The following KCNQ5 variants were observed in gnomAD, a reference collection of about 807,000 sequenced individuals.
The protein encoded by KCNQ5 is potassium voltage-gated channel subfamily Q member 5, also known as potassium voltage-gated channel subfamily KQT member 5.
A neutral mutation model predicts 98.2 loss-of-function variants in KCNQ5; 30 were observed. The observed-to-expected ratio is 0.31, with a 90% CI of 0.23 to 0.41. The LOEUF (loss-of-function observed/expected upper bound fraction) is 0.41. Ranked by LOEUF, KCNQ5 falls within the 10% of genes least tolerant of loss-of-function variation. The pLI is 1.00. For synonymous variants in KCNQ5, 458 were observed against 449.4 expected (o/e 1.02, Z -0.24); for missense variants, 835 against 1,182.5 (o/e 0.71, Z 4.31).
chr6:72,655,212 C>T (rs994426536), intron 1 of KCNQ5, among the ~76,000 whole-genome samples: 1 of 150,518 alleles, frequency 6.6e-6, no homozygotes. Flanking sequence ...CACAATAAAT[C>T]GTAATGGACA....
intron 5 of KCNQ5, among the ~76,000 whole-genome samples, chr6:73,097,698 G>A (rs1446234533): frequency 6.6e-6 from 1 of 152,114 alleles, no homozygotes; most frequent in Non-Finnish European, 1.5e-5. Context: ...GAGAATGTAA[G>A]GAAGAGAACA....
At chr6:72,946,503 T>C (rs943100147) in intron 1 of KCNQ5, among the ~76,000 whole-genome samples, 1 of 152,136 alleles carries the variant, frequency 6.6e-6, no homozygotes, top group Non-Finnish European at 1.5e-5. Flanking sequence ...ATTTAATACA[T>C]CATAGACTGC....
chr6:73,183,459 A>G (rs907609545), intron 11 of KCNQ5, among the ~76,000 whole-genome samples: 7 of 152,312 alleles, frequency 4.6e-5, no homozygotes, highest in African/African-American at 1.2e-4. Context: ...TGAAGAGAGC[A>G]AGATCTATGT....
intron 1 of KCNQ5, among the ~76,000 whole-genome samples, chr6:72,667,948 A>G (rs978078238): frequency 4.6e-5 from 7 of 152,224 alleles, no homozygotes; most frequent in Non-Finnish European, 1.0e-4. Context: ...GGAGGAGATT[A>G]AGGAGATATG....
intron 1 of KCNQ5, among the ~76,000 whole-genome samples, chr6:72,951,637 C>T (rs1399876872): frequency 2.0e-5 from 3 of 152,040 alleles, no homozygotes; most frequent in African/African-American, 4.8e-5. Flanking sequence ...CCCTAAGATA[C>T]GTAACCTTTC....
chr6:73,132,407 A>G (rs944591446), intron 9 of KCNQ5, among the ~76,000 whole-genome samples: 3 of 152,164 alleles, frequency 2.0e-5, no homozygotes, highest in Non-Finnish European at 4.4e-5. Context: ...AAGAAAAAAA[A>G]ACAGAATGGG....
At chr6:72,810,435 C>T (rs771692712) in intron 1 of KCNQ5, among the ~76,000 whole-genome samples, 14 of 152,188 alleles carry the variant, frequency 9.2e-5, no homozygotes, top group Non-Finnish European at 2.1e-4. Context: ...CTGGGACTAG[C>T]TTTCCTGTGA....
At chr6:72,687,302 A>G (rs957516737) in intron 1 of KCNQ5, among the ~76,000 whole-genome samples, 1 of 152,188 alleles carries the variant, frequency 6.6e-6, no homozygotes, top group Admixed American at 6.5e-5. Flanking sequence ...TCTATTGTAT[A>G]TGTCTTATCT....
At chr6:72,913,277 G>A (rs960363154) in intron 1 of KCNQ5, among the ~76,000 whole-genome samples, 1 of 152,070 alleles carries the variant, frequency 6.6e-6, no homozygotes, top group Non-Finnish European at 1.5e-5. Flanking sequence ...GAACTCTCAA[G>A]TTAGCCCTTG....
chr6:72,839,857 C>T (rs921715453), intron 1 of KCNQ5, among the ~76,000 whole-genome samples: 1 of 152,112 alleles, frequency 6.6e-6, no homozygotes. Flanking sequence ...ACATTATTAG[C>T]TCTAGTCACC....
intron 7 of KCNQ5, among the ~76,000 whole-genome samples, chr6:73,112,556 A>G (rs1775293975): frequency 6.6e-6 from 1 of 152,144 alleles, no homozygotes; most frequent in East Asian, 1.9e-4. Context: ...CGTGTTAGCC[A>G]GGATGGTCTC....
At chr6:73,013,392 C>T (rs1040684922) in intron 2 of KCNQ5, among the ~76,000 whole-genome samples, 1 of 152,080 alleles carries the variant, frequency 6.6e-6, no homozygotes, top group African/African-American at 2.4e-5. Flanking sequence ...GCTTGCTCTG[C>T]CATCACCCTG....
chr6:72,734,234 T>C (rs1305177487), intron 1 of KCNQ5, among the ~76,000 whole-genome samples: 1 of 152,264 alleles, frequency 6.6e-6, no homozygotes, highest in African/African-American at 2.4e-5. Flanking sequence ...AAAAATGTTA[T>C]TTAATTGAAT....
At chr6:73,015,373 A>T (rs964239048) in intron 2 of KCNQ5, among the ~76,000 whole-genome samples, 3 of 152,150 alleles carry the variant, frequency 2.0e-5, no homozygotes, top group Non-Finnish European at 4.4e-5. Flanking sequence ...AAACACCTAC[A>T]CTGAACCTTA....
chr6:73,114,288 C>G (rs1264463883), intron 7 of KCNQ5, among the ~76,000 whole-genome samples: 1 of 152,170 alleles, frequency 6.6e-6, no homozygotes, highest in Non-Finnish European at 1.5e-5. Context: ...GCTGAACACA[C>G]AAACCATCAA....
intron 1 of KCNQ5, among the ~76,000 whole-genome samples, chr6:72,921,660 T>A (rs538919092): frequency 1.1e-3 from 165 of 152,314 alleles, no homozygotes; most frequent in South Asian, 8.5e-3. Context: ...GTTATTGCAA[T>A]AATTGCCTCA....
intron 7 of KCNQ5, among the ~76,000 whole-genome samples, chr6:73,117,875 C>T (rs943210323): frequency 6.6e-6 from 1 of 152,084 alleles, no homozygotes; most frequent in Non-Finnish European, 1.5e-5. Flanking sequence ...CAAGATGATG[C>T]AACAATAGTT....
intron 1 of KCNQ5, among the ~76,000 whole-genome samples, chr6:72,852,768 A>G (rs187560878): frequency 1.3e-5 from 2 of 150,292 alleles, no homozygotes. Flanking sequence ...TTTTAAACAC[A>G]CACGTCAAAC....
intron 1 of KCNQ5, among the ~76,000 whole-genome samples, chr6:72,797,502 C>CAAAA (rs543983897): frequency 1.1e-5 from 1 of 87,390 alleles, no homozygotes. Context: ...AAGACCCTGC[C>CAAAA]AAAAAAAAAA....
Sources: gnomAD v4.1 joint callset for allele counts (sites outside exome capture counted in the v4.1 genomes callset) on GRCh38, gnomAD v4.1.1 for gene constraint, MANE v1.5 for transcripts, NCBI Gene and HGNC (gene_info 2026-07-23, HGNC 2026-07-21) for gene names.